The following FCHSD2 variants were observed in gnomAD, a reference collection of about 807,000 sequenced individuals.
FCHSD2 encodes the protein FCH and double SH3 domains 2.
In FCHSD2, 38 loss-of-function variants were observed where a neutral mutation model predicts 108.1. That is an observed-to-expected ratio of 0.35 (90% CI 0.27 to 0.46). The LOEUF is 0.46. Ranked by LOEUF, FCHSD2 falls within the 20% of genes least tolerant of loss-of-function variation. The probability of loss-of-function intolerance (pLI) is 1.00; values close to 1 mark genes in which losing one functional copy is unlikely to be tolerated. For synonymous variants in FCHSD2, 279 were observed against 314.7 expected (o/e 0.89, Z 1.20); for missense variants, 751 against 897.8 (o/e 0.84, Z 2.09).
rs373530005 is a variant in FCHSD2 at position 72,974,092 on chromosome 11, A to T, written c.705+9996T>A. Among the ~76,000 whole-genome samples, 6 of 150,936 alleles carry T rather than the reference A, an allele frequency of 4.0e-5. No individual in the cohort carries two copies. In the East Asian group the frequency reaches 1.2e-3, roughly 30 times the overall value. ...AGGGCGGGGGGCGGGATGGAAGAAA[A>T]CAAAGTTTTGGTCCATTTTCTGTTG... On this transcript the variant is annotated intron_variant, in intron 8 of 19. Coordinates refer to ENST00000409418, the MANE Select transcript of FCHSD2 (RefSeq NM_014824.3).
rs1198763519 is a variant in FCHSD2 at position 73,016,318 on chromosome 11, C to A, written c.166-433G>T. Among the ~76,000 whole-genome samples, 378 of 146,172 alleles carry A rather than the reference C, an allele frequency of 2.6e-3. 1 individual carries two copies. Among genetic ancestry groups the A allele is most frequent in the African/African-American group, 8.1e-3 (319 of 39,490 alleles). On this transcript the variant is annotated intron_variant, in intron 3 of 19. Transcript: ENST00000409418. Reference sequence around the variant, plus strand: ...GCTCTGTCTCAAAAAAAAAAAAAAACAAAACCCAATTAACCAACCAACCAA... The same window carrying A: ...GCTCTGTCTCAAAAAAAAAAAAAAAAAAAACCCAATTAACCAACCAACCAA...
chr11:73,133,023 C>G (rs1328191354), intron 2 of FCHSD2, among the ~76,000 whole-genome samples: 1 of 151,990 alleles, frequency 6.6e-6, no homozygotes. Flanking sequence ...AAATGCTCAC[C>G]ATCATAAGTT....
chr11:73,126,986 C>T (rs977017256), intron 2 of FCHSD2, among the ~76,000 whole-genome samples: 16 of 152,100 alleles, frequency 1.1e-4, no homozygotes, highest in Non-Finnish European at 1.8e-4. Flanking sequence ...TGCAGTGAGC[C>T]GAGATTGCAC....
chr11:72,925,856 G>A (rs999286327), intron 8 of FCHSD2, among the ~76,000 whole-genome samples: 11 of 152,132 alleles, frequency 7.2e-5, no homozygotes, highest in East Asian at 3.9e-4. Context: ...CACTGCAGTC[G>A]CTCAAACTGC....
chr11:72,949,280 T>C (rs1023322573), intron 8 of FCHSD2, among the ~76,000 whole-genome samples: 4 of 151,850 alleles, frequency 2.6e-5, no homozygotes, highest in African/African-American at 9.7e-5. Flanking sequence ...TGAAACCCTG[T>C]CTCTACTAAA....
In FCHSD2 at chr11:73,140,019, C is replaced by T. The variant is rs1861210512; in HGVS notation, c.119+12G>A. ...CAAACAGAAGTCCTTGAACTATTTA[C>T]TATAGCCTTACCTCATATCTTCAAG... On this transcript the variant is annotated intron_variant, in intron 2 of 19. Coordinates refer to ENST00000409418, the MANE Select transcript of FCHSD2 (RefSeq NM_014824.3). 2.7e-6 allele frequency: 4 copies of T among 1,466,468 alleles called. No homozygotes were observed. Among genetic ancestry groups the T allele is most frequent in the Non-Finnish European group, 3.7e-6 (4 of 1,082,388 alleles). 90.8% of individuals were successfully genotyped at this position (1,466,468 alleles called of 1,614,324 possible).
rs145989160 is a variant in FCHSD2, at chr11:73,082,967, G to A, written c.165+728C>T. ...AAAGGTCTAAGTAAAATTAAAGAAGGAAATGCTTCAATTTCCCTAGGAAAA... is the reference window on the plus strand; with the variant it reads ...AAAGGTCTAAGTAAAATTAAAGAAGAAAATGCTTCAATTTCCCTAGGAAAA... On this transcript the variant is annotated intron_variant, in intron 3 of 19. Transcript: ENST00000409418. Among the ~76,000 whole-genome samples the A allele has an allele frequency of 1.8e-3, 275 of 152,226 alleles. 2 individuals carry two copies. The highest frequency in any genetic ancestry group is 1.4e-3 in the Non-Finnish European group (94 of 68,006).
At chr11:73,021,139 A>G (rs978683031) in intron 3 of FCHSD2, among the ~76,000 whole-genome samples, 1 of 152,036 alleles carries the variant, frequency 6.6e-6, no homozygotes, top group Non-Finnish European at 1.5e-5. Flanking sequence ...TGCCTCCCAA[A>G]GGGCTGGGAT....
rs141804603 is a variant in FCHSD2, at chr11:72,877,587, T to C, written c.1147-9561A>G. 5.4e-4 allele frequency among the ~76,000 whole-genome samples: 83 copies of C among 152,314 alleles called. 1 individual carries two copies. The highest frequency in any genetic ancestry group is 8.8e-4 in the Non-Finnish European group (60 of 68,024). On this transcript the variant is annotated intron_variant, in intron 12 of 19. Transcript: ENST00000409418. Reference sequence around the variant, plus strand: ...CAAGAAGCAGAAAGTCTCTTAGAGATATATTTATTCTACATTCAAAGAGAA... The same window carrying C: ...CAAGAAGCAGAAAGTCTCTTAGAGACATATTTATTCTACATTCAAAGAGAA...
chr11:72,944,906 C>A (rs1034338522), intron 8 of FCHSD2, among the ~76,000 whole-genome samples: 2 of 152,140 alleles, frequency 1.3e-5, no homozygotes, highest in Admixed American at 1.3e-4. Context: ...AAAAAGGATA[C>A]AAACAAATGG....
intron 8 of FCHSD2, among the ~76,000 whole-genome samples, chr11:72,935,649 G>C (rs1207784332): frequency 6.6e-6 from 1 of 152,116 alleles, no homozygotes; most frequent in Non-Finnish European, 1.5e-5. Flanking sequence ...ATCAAAACAA[G>C]TACTGGGCTG....
chr11:73,129,494 T>C (rs1314358738), intron 2 of FCHSD2, among the ~76,000 whole-genome samples: 2 of 152,192 alleles, frequency 1.3e-5, no homozygotes, highest in Non-Finnish European at 2.9e-5. Context: ...GAACTGCACA[T>C]GCAAGGGATC....
intron 8 of FCHSD2, chr11:72,941,071 T>C: frequency 1.6e-6 from 1 of 619,706 alleles, no homozygotes; most frequent in Non-Finnish European, 2.9e-6. Flanking sequence ...CCGGGCAGCT[T>C]AGAGAAGGCG....
chr11:72,869,791 T>G (rs1247239914), intron 12 of FCHSD2: 1 of 152,162 alleles, frequency 6.6e-6, no homozygotes, highest in East Asian at 1.9e-4. Context: ...ATCCAGCATT[T>G]TCAGTAGCCT....
chr11:73,095,863 A>G (rs1860060887), intron 2 of FCHSD2, among the ~76,000 whole-genome samples: 1 of 152,094 alleles, frequency 6.6e-6, no homozygotes, highest in South Asian at 2.1e-4. Context: ...GAGAGCCTAC[A>G]CTATGAACAG....
At chr11:72,973,680 T>C (rs1488751062) in intron 8 of FCHSD2, among the ~76,000 whole-genome samples, 2 of 152,186 alleles carry the variant, frequency 1.3e-5, no homozygotes, top group Non-Finnish European at 2.9e-5. Flanking sequence ...AGCTTGGTGG[T>C]TGGGTAAATG....
chr11:73,053,941 A>G (rs940758762), intron 3 of FCHSD2, among the ~76,000 whole-genome samples: 19 of 152,202 alleles, frequency 1.2e-4, no homozygotes. Context: ...TTTTTTACTC[A>G]TCCAATAATT....
Position 73,102,343 on chromosome 11 carries a change from T to C in FCHSD2, c.120-18603A>G, listed in dbSNP as rs1396168862. ...AGTTTCTTTTAAATTTAACACACAT[T>C]TGTCAAAGAACCCTGCAATTACACT... is the stretch of plus-strand genomic sequence containing the variant. On this transcript the variant is annotated intron_variant, in intron 2 of 19. Transcript: ENST00000409418. Among the ~76,000 whole-genome samples, 4 of 152,218 alleles carry C rather than the reference T, an allele frequency of 2.6e-5. No individual in the cohort carries two copies. In the Middle Eastern group the frequency reaches 0.01, roughly 388 times the overall value.
At chr11:72,955,370 T>C (rs1193279965) in intron 8 of FCHSD2, among the ~76,000 whole-genome samples, 1 of 152,156 alleles carries the variant, frequency 6.6e-6, no homozygotes, top group Non-Finnish European at 1.5e-5. Context: ...GAAGAAGGCA[T>C]GTGAGGCTTC....
Sources: allele counts gnomAD v4.1 joint callset (sites outside exome capture counted in the v4.1 genomes callset), GRCh38; gene constraint gnomAD v4.1.1; transcripts MANE v1.5; gene names NCBI Gene and HGNC (gene_info 2026-07-23, HGNC 2026-07-21).